The following ADAMTS19 variants were observed in gnomAD, a reference collection of about 807,000 sequenced individuals.
ADAMTS19 encodes the protein A disintegrin and metalloproteinase with thrombospondin motifs 19.
Under a neutral mutation model 153.3 loss-of-function variants are expected in ADAMTS19, and 93 were observed. That is an observed-to-expected ratio of 0.61 (90% CI 0.51 to 0.72). The LOEUF is 0.72. ADAMTS19 is among the 30% of genes least tolerant of loss of function. ADAMTS19 has a pLI of 0.00. For missense variants in ADAMTS19, 1,482 were observed against 1,552.1 expected, an observed-to-expected ratio of 0.95 and a Z score of 0.76; for synonymous variants, 600 against 556.6, an observed-to-expected ratio of 1.08 and a Z score of -1.10.
intron 22 of ADAMTS19, among the ~76,000 whole-genome samples, chr5:129,735,506 T>C (rs942822396): frequency 6.6e-6 from 1 of 152,032 alleles, no homozygotes; most frequent in Non-Finnish European, 1.5e-5. Flanking sequence ...GATCTGGGTA[T>C]AAATTATTCT....
chr5:129,679,488 A>C (rs183327474), intron 16 of ADAMTS19, among the ~76,000 whole-genome samples: 3 of 152,338 alleles, frequency 2.0e-5, no homozygotes, highest in Admixed American at 2.0e-4. Context: ...TTAAGGACCA[A>C]AATAAGGAAT....
chr5:129,692,393 A>G (rs1301108014), intron 18 of ADAMTS19, among the ~76,000 whole-genome samples: 1 of 152,084 alleles, frequency 6.6e-6, no homozygotes, highest in Admixed American at 6.6e-5. Context: ...TTATTTGAAA[A>G]TTATTTGAAG....
chr5:129,681,939 T>A (rs2097796), intron 17 of ADAMTS19, among the ~76,000 whole-genome samples: 5,496 of 152,278 alleles, frequency 0.036, 310 homozygotes, highest in African/African-American at 0.13. Context: ...AGCAAACATA[T>A]GTTTAATGAT....
chr5:129,733,961 G>C (rs917563969), intron 21 of ADAMTS19, among the ~76,000 whole-genome samples: 1 of 36,070 alleles, frequency 2.8e-5, no homozygotes, highest in East Asian at 4.1e-4. Flanking sequence ...GTGTGTGTGT[G>C]TGTGTGTGTG....
At chr5:129,469,074 G>A (rs1580979304) in intron 2 of ADAMTS19, among the ~76,000 whole-genome samples, 1 of 151,936 alleles carries the variant, frequency 6.6e-6, no homozygotes, top group African/African-American at 2.4e-5. Context: ...ACCACACCAG[G>A]CCATCTTTTA....
intron 16 of ADAMTS19, among the ~76,000 whole-genome samples, chr5:129,673,464 G>A (rs1274368441): frequency 6.6e-6 from 1 of 151,968 alleles, no homozygotes; most frequent in Non-Finnish European, 1.5e-5. Context: ...TTTTAAAATA[G>A]ATATATTGTT....
intron 2 of ADAMTS19, among the ~76,000 whole-genome samples, chr5:129,491,215 G>A (rs754839968): frequency 9.2e-5 from 14 of 152,036 alleles, no homozygotes; most frequent in Non-Finnish European, 1.8e-4. Context: ...TGTCAGCCAG[G>A]ATGGTCTCGA....
rs1754506074 is a variant in ADAMTS19 at position 129,675,352 on chromosome 5, A to C, written c.2507-4412A>C. On this transcript the variant is annotated intron_variant, in intron 16 of 22. Transcript: ENST00000274487. ...GTCTTCAAATAATTTGTATGCCCCC[A>C]CCCGTATTTCTGGAATTCTAGTTAC... Among the ~76,000 whole-genome samples, 3 of 152,184 alleles carry C rather than the reference A, an allele frequency of 2.0e-5. No individual in the cohort carries two copies. In the South Asian group the frequency reaches 6.2e-4, roughly 32 times the overall value.
intron 21 of ADAMTS19, among the ~76,000 whole-genome samples, chr5:129,711,862 G>T (rs1436685862): frequency 1.3e-5 from 2 of 152,016 alleles, no homozygotes; most frequent in Admixed American, 1.3e-4. Context: ...TCGCAAAGAG[G>T]AAACTAAAGT....
chr5:129,715,791 TACTG>T (rs1756698459), intron 21 of ADAMTS19, among the ~76,000 whole-genome samples: 1 of 152,214 alleles, frequency 6.6e-6, no homozygotes, highest in East Asian at 1.9e-4. Context: ...GATAGTTAAA[TACTG>T]GTGAGTAGTA....
intron 10 of ADAMTS19, among the ~76,000 whole-genome samples, chr5:129,640,587 A>G (rs1453562417): frequency 6.6e-6 from 1 of 152,070 alleles, no homozygotes; most frequent in Non-Finnish European, 1.5e-5. Context: ...ATTTTTCCCT[A>G]CAAACATAAA....
At chr5:129,535,052 A>G (rs1752362824) in intron 6 of ADAMTS19, among the ~76,000 whole-genome samples, 1 of 152,188 alleles carries the variant, frequency 6.6e-6, no homozygotes, top group East Asian at 1.9e-4. Context: ...TAGTGTTGGA[A>G]GTTCTGGCCA....
At chr5:129,515,803 G>A (rs1009716775) in intron 3 of ADAMTS19, among the ~76,000 whole-genome samples, 1 of 151,884 alleles carries the variant, frequency 6.6e-6, no homozygotes, top group African/African-American at 2.4e-5. Flanking sequence ...GATTGTTCTA[G>A]CTAGGACTTA....
intron 21 of ADAMTS19, among the ~76,000 whole-genome samples, chr5:129,711,509 A>G (rs974027452): frequency 3.9e-5 from 6 of 152,060 alleles, no homozygotes; most frequent in Non-Finnish European, 7.4e-5. Flanking sequence ...CTCCATCTCT[A>G]CCAAAAATAC....
Position 129,695,416 on chromosome 5 carries a change from C to T in ADAMTS19, c.2954+561C>T, listed in dbSNP as rs940682271. On this transcript the variant is annotated intron_variant, in intron 19 of 22. Transcript: ENST00000274487. ...ATGCTTTGGTTTCCTCTGACACCCC[C>T]CAATGAGTATTAGGTAACAAAGCAG... is the stretch of plus-strand genomic sequence containing the variant. Among the ~76,000 whole-genome samples the T allele has an allele frequency of 5.9e-5, 9 of 152,088 alleles. No homozygotes were observed. In the South Asian group the frequency reaches 1.2e-3, roughly 21 times the overall value.
At chr5:129,664,962 G>A (rs977197239) in intron 15 of ADAMTS19, among the ~76,000 whole-genome samples, 5 of 152,032 alleles carry the variant, frequency 3.3e-5, no homozygotes, top group African/African-American at 9.7e-5. Context: ...TGCTTGGCGC[G>A]ACCTTACACT....
rs1170360034 is a variant in ADAMTS19 at position 129,648,883 on chromosome 5, G to A, written c.2089G>A (p.Gly697Arg). 4.3e-6 allele frequency: 7 copies of A among 1,613,724 alleles called. No individual in the cohort carries two copies. The Admixed American group carries it at 1.2e-4, about 27-fold the overall frequency. Reference protein sequence around the residue: ...ENPPCPAGLPGFRDWQCQAYS... With the variant: ...ENPPCPAGLPRFRDWQCQAYS... Reference sequence around the variant, plus strand: ...TCCACCTTGTCCTGCAGGTTTGCCTGGATTCAGAGACTGGCAATGTCAGGC... The same window carrying A: ...TCCACCTTGTCCTGCAGGTTTGCCTAGATTCAGAGACTGGCAATGTCAGGC... Residue 697 changes from glycine (G) to arginine (R), a missense_variant, in exon 13 of 23, where the codon GGA becomes AGA. Coordinates refer to ENST00000274487, the MANE Select transcript of ADAMTS19 (RefSeq NM_133638.6).
intron 14 of ADAMTS19, among the ~76,000 whole-genome samples, chr5:129,655,374 T>C (rs975976328): frequency 1.3e-5 from 2 of 152,180 alleles, no homozygotes; most frequent in Admixed American, 6.5e-5. Context: ...TTCCTTAGTC[T>C]AGATAGTTTC....
chr5:129,706,437 T>C (rs766861032), intron 21 of ADAMTS19, among the ~76,000 whole-genome samples: 1 of 151,808 alleles, frequency 6.6e-6, no homozygotes, highest in Non-Finnish European at 1.5e-5. Flanking sequence ...GGCATGGTAG[T>C]GTATGCCTGT....
Sources: gnomAD v4.1 joint callset for allele counts (sites outside exome capture counted in the v4.1 genomes callset) on GRCh38, gnomAD v4.1.1 for gene constraint, MANE v1.5 for transcripts, NCBI Gene and HGNC (gene_info 2026-07-23, HGNC 2026-07-21) for gene names.